The following RHD variants were observed in gnomAD, a reference collection of about 807,000 sequenced individuals.
RHD encodes blood group Rh(D) polypeptide.
Under a neutral mutation model 45.5 loss-of-function variants are expected in RHD, and 16 were observed. The observed-to-expected ratio is 0.35, with a 90% CI of 0.24 to 0.53. The LOEUF (loss-of-function observed/expected upper bound fraction) is 0.53. Ranked by LOEUF, RHD falls within the 20% of genes least tolerant of loss-of-function variation. The probability of loss-of-function intolerance (pLI) is 0.92; values close to 1 mark genes in which losing one functional copy is unlikely to be tolerated. For missense variants in RHD, 306 were observed against 532.0 expected, an observed-to-expected ratio of 0.58 and a Z score of 4.18; for synonymous variants, 131 against 217.5, an observed-to-expected ratio of 0.60 and a Z score of 3.50.
At chr1:25,300,124 C>A (rs1253750335) in intron 3 of RHD, among the ~76,000 whole-genome samples, 1 of 131,310 alleles carries the variant, frequency 7.6e-6, no homozygotes, top group East Asian at 1.9e-4. Flanking sequence ...TCACTCATCA[C>A]TCCCGCAGAG....
At position 25,274,443 on chromosome 1, in the gene RHD, C is replaced by T. The variant is rs547054196; in HGVS notation, c.148+1748C>T. 4.5e-5 allele frequency among the ~76,000 whole-genome samples: 6 copies of T among 132,062 alleles called. 1 individual carries two copies. The highest frequency in any genetic ancestry group is 1.9e-4 in the East Asian group (1 of 5,138). 86.6% of individuals were successfully genotyped at this position (132,062 alleles called of 152,430 possible). The stretch of plus-strand genomic sequence containing the variant: ...TGACTCTAGGGTCCATGTTCTTTAC[C>T]CCTGCACCGTGCTACTAACGTAGGT... On this transcript the variant is annotated intron_variant, in intron 1 of 9. Transcript: ENST00000328664.
In RHD at chr1:25,301,828, C is replaced by G; in HGVS notation, c.801+142C>G. 2 of 715,504 alleles carry G rather than the reference C, an allele frequency of 2.8e-6. 1 individual carries two copies. Among genetic ancestry groups the G allele is most frequent in the Non-Finnish European group, 4.9e-6 (2 of 408,518 alleles). 44.3% of individuals were successfully genotyped at this position (715,504 alleles called of 1,614,324 possible). A position where few individuals can be genotyped will look rare whatever the true frequency, so the allele number is the denominator to read the frequency against. Reference sequence around the variant, plus strand: ...AGCTGTGCCTGCCTCTACAGTGGAGCTCTAGGTAGAATGCTGGGTGGTCAC... The same window carrying G: ...AGCTGTGCCTGCCTCTACAGTGGAGGTCTAGGTAGAATGCTGGGTGGTCAC... On this transcript the variant is annotated intron_variant, in intron 5 of 9. Coordinates refer to ENST00000328664, the MANE Select transcript of RHD (RefSeq NM_016124.6).
At position 25,304,997 on chromosome 1, in the gene RHD, A is replaced by G. The variant is rs1362345530; in HGVS notation, c.939+1538A>G. 4.5e-5 allele frequency among the ~76,000 whole-genome samples: 6 copies of G among 132,292 alleles called. 1 individual carries two copies. The highest frequency in any genetic ancestry group is 1.6e-4 in the African/African-American group (6 of 38,362). 86.8% of individuals were successfully genotyped at this position (132,292 alleles called of 152,430 possible). On this transcript the variant is annotated intron_variant, in intron 6 of 9. Coordinates refer to ENST00000328664, the MANE Select transcript of RHD (RefSeq NM_016124.6). The stretch of plus-strand genomic sequence containing the variant: ...CATTCATCATTCCTTCATTCAACAC[A>G]TACGTTTTAACACTCATCTTGCTTT...
chr1:25,277,113 A>C (rs1193474989), intron 1 of RHD, among the ~76,000 whole-genome samples: 1 of 132,928 alleles, frequency 7.5e-6, no homozygotes, highest in South Asian at 2.3e-4. Context: ...CCCTGCCATT[A>C]GTTGCAATAT....
intron 7 of RHD, among the ~76,000 whole-genome samples, chr1:25,310,078 C>T (rs187468762): frequency 0.08 from 10,346 of 129,914 alleles, 920 homozygotes; most frequent in African/African-American, 0.26. Flanking sequence ...GATATCCCCA[C>T]ATAACCAACA....
At position 25,319,287 on chromosome 1, in the gene RHD, T is replaced by C. The variant is rs868817914; in HGVS notation, c.1153+2208T>C. 2.3e-5 allele frequency among the ~76,000 whole-genome samples: 3 copies of C among 131,428 alleles called. 1 individual carries two copies. Among genetic ancestry groups the C allele is most frequent in the Non-Finnish European group, 5.4e-5 (3 of 55,542 alleles). The allele number at this position is 131,428 out of a possible 152,430, so 86.2% of individuals were successfully genotyped here. Reference sequence around the variant, plus strand: ...TCCTTTAAGAGTTAAGACCAACAAGTTTTCTTCTTTACATGTTGTTTTTGA... The same window carrying C: ...TCCTTTAAGAGTTAAGACCAACAAGCTTTCTTCTTTACATGTTGTTTTTGA... On this transcript the variant is annotated intron_variant, in intron 8 of 9. Coordinates refer to ENST00000328664, the MANE Select transcript of RHD (RefSeq NM_016124.6).
intron 7 of RHD, among the ~76,000 whole-genome samples, chr1:25,310,214 T>G (rs1378528433): frequency 7.5e-6 from 1 of 133,552 alleles, no homozygotes; most frequent in African/African-American, 2.5e-5. Context: ...AAATTTCATG[T>G]GCTGGAAACT....
intron 3 of RHD, among the ~76,000 whole-genome samples, chr1:25,299,789 G>A (rs1296003114): frequency 1.5e-5 from 2 of 132,420 alleles, no homozygotes; most frequent in Non-Finnish European, 3.6e-5. Context: ...TCACTCTGTC[G>A]CTGAAGCTGG....
chr1:25,287,479 G>A (rs1257975607), intron 2 of RHD, among the ~76,000 whole-genome samples: 3 of 135,006 alleles, frequency 2.2e-5, no homozygotes, highest in East Asian at 1.9e-4. Flanking sequence ...ACCGGTTCCC[G>A]TCAGGGCTGT....
At chr1:25,319,052 A>C (rs1644561428) in intron 8 of RHD, among the ~76,000 whole-genome samples, 1 of 132,456 alleles carries the variant, frequency 7.5e-6, no homozygotes, top group African/African-American at 2.6e-5. Flanking sequence ...TTTAGCAAAA[A>C]TGCAAGGTGT....
intron 3 of RHD, among the ~76,000 whole-genome samples, chr1:25,299,072 TAAAAAAAAAAAAA>T (rs34867414): frequency 2.4e-5 from 1 of 40,878 alleles, no homozygotes; most frequent in African/African-American, 7.8e-5. Flanking sequence ...CACATGGTGA[TAAAAAAAAAAAAA>T]AAAAAAAAAA....
Position 25,308,929 on chromosome 1 carries a change from A to T in RHD, c.1073+2200A>T, listed in dbSNP as rs377167394. ...TCTATCTGTAAAATGGGAAAATAAGACCTATGTCACAGGGTTGCTGTGCAG... is the reference window on the plus strand; with the variant it reads ...TCTATCTGTAAAATGGGAAAATAAGTCCTATGTCACAGGGTTGCTGTGCAG... On this transcript the variant is annotated intron_variant, in intron 7 of 9. Coordinates refer to ENST00000328664, the MANE Select transcript of RHD (RefSeq NM_016124.6). Among the ~76,000 whole-genome samples, 4 of 131,076 alleles carry T rather than the reference A, an allele frequency of 3.1e-5. 1 individual carries two copies. The highest frequency in any genetic ancestry group is 7.9e-5 in the African/African-American group (3 of 37,782). The allele number at this position is 131,076 out of a possible 152,430, so 86.0% of individuals were successfully genotyped here.
At chr1:25,320,552 A>C (rs1422994928) in intron 8 of RHD, among the ~76,000 whole-genome samples, 2 of 131,866 alleles carry the variant, frequency 1.5e-5, no homozygotes, top group African/African-American at 5.2e-5. Context: ...GGGAAATACG[A>C]ATCTCACTAA....
At chr1:25,322,565 C>A (rs1644772781) in intron 9 of RHD, among the ~76,000 whole-genome samples, 1 of 132,148 alleles carries the variant, frequency 7.6e-6, no homozygotes, top group African/African-American at 2.6e-5. Flanking sequence ...CCCAGTTACT[C>A]AGGAGGCTGA....
At position 25,307,067 on chromosome 1, in the gene RHD, C is replaced by T. The variant is rs189106905; in HGVS notation, c.1073+338C>T. The T allele has an allele frequency of 6.9e-5, 23 of 330,980 alleles. 5 individuals are homozygous for T. Among genetic ancestry groups the T allele is most frequent in the African/African-American group, 4.5e-5 (2 of 44,766 alleles). The allele number at this position is 330,980 out of a possible 1,614,324, so 20.5% of individuals were successfully genotyped here. A position where few individuals can be genotyped will look rare whatever the true frequency, so the allele number is the denominator to read the frequency against. ...TCGTGATGCAGAGCTTTGCTGTGGACGTGCTCCCACTGCGTACTAGCTGGG... is the reference window on the plus strand; with the variant it reads ...TCGTGATGCAGAGCTTTGCTGTGGATGTGCTCCCACTGCGTACTAGCTGGG... On this transcript the variant is annotated intron_variant, in intron 7 of 9. Transcript: ENST00000328664.
chr1:25,282,172 A>G (rs1480896856), intron 1 of RHD, among the ~76,000 whole-genome samples: 1 of 132,906 alleles, frequency 7.5e-6, no homozygotes. Flanking sequence ...CTGATAAGGA[A>G]AGTAAGCAAC....
At position 25,304,949 on chromosome 1, in the gene RHD, G is replaced by A. The variant is rs627585; in HGVS notation, c.939+1490G>A. 3.0e-5 allele frequency: 4 copies of A among 131,776 alleles called. No individual in the cohort carries two copies. The East Asian group carries it at 5.8e-4, about 19-fold the overall frequency. 8.2% of individuals were successfully genotyped at this position (131,776 alleles called of 1,614,324 possible). A position where few individuals can be genotyped will look rare whatever the true frequency, so the allele number is the denominator to read the frequency against. On this transcript the variant is annotated intron_variant, in intron 6 of 9. Transcript: ENST00000328664. ...TGGCAGGACTATTCAAAAATGATTC[G>A]CTCATTCATTCATATATTCATTCAT...
chr1:25,295,843 A>C lies in RHD; in HGVS notation c.486+5052A>C, dbSNP rs1642891938. Among the ~76,000 whole-genome samples, 2 of 95,246 alleles carry C rather than the reference A, an allele frequency of 2.1e-5. 1 individual carries two copies. Among genetic ancestry groups the C allele is most frequent in the Non-Finnish European group, 4.8e-5 (2 of 41,338 alleles). The allele number at this position is 95,246 out of a possible 152,430, so 62.5% of individuals were successfully genotyped here. ...AAAGAACAATGGTCTGGGAGGGAAT[A>C]TGGGAAATTTTTTTTTTTTTTTTTT... On this transcript the variant is annotated intron_variant, in intron 3 of 9. Coordinates refer to ENST00000328664, the MANE Select transcript of RHD (RefSeq NM_016124.6).
chr1:25,286,474 G>T (rs1313083856), intron 2 of RHD, among the ~76,000 whole-genome samples: 8 of 135,126 alleles, frequency 5.9e-5, no homozygotes, highest in African/African-American at 1.8e-4. Context: ...GGACAACAGA[G>T]TGAGACCCTG....
Sources: gnomAD v4.1 joint callset for allele counts (sites outside exome capture counted in the v4.1 genomes callset) on GRCh38, gnomAD v4.1.1 for gene constraint, MANE v1.5 for transcripts, NCBI Gene and HGNC (gene_info 2026-07-23, HGNC 2026-07-21) for gene names.